Variants in HMGCS2 observed in about 807,000 individuals in gnomAD.
The protein encoded by HMGCS2 is hydroxymethylglutaryl-CoA synthase, mitochondrial.
HMGCS2 carries 50 observed loss-of-function variants against 57.4 expected under a neutral mutation model. The ratio of observed to expected loss-of-function variants is 0.87; its 90% CI spans 0.69 to 1.10. The LOEUF is 1.10. Among genes scored for constraint, HMGCS2 ranks in the 50% least tolerant of loss-of-function variants. HMGCS2 has a pLI of 0.00. For synonymous variants in HMGCS2, 254 were observed against 245.1 expected (o/e 1.04, Z -0.34); for missense variants, 627 against 636.5 (o/e 0.99, Z 0.16).
At chr1:119,762,105 C>T (rs774632426) in intron 2 of HMGCS2, among the ~76,000 whole-genome samples, 6 of 152,062 alleles carry the variant, frequency 3.9e-5, no homozygotes, top group South Asian at 4.2e-4. Flanking sequence ...TTTATCATTG[C>T]TAAAAAACTA....
chr1:119,751,563 A>T (rs1266536566), intron 8 of HMGCS2, among the ~76,000 whole-genome samples: 5 of 151,116 alleles, frequency 3.3e-5, no homozygotes, highest in African/African-American at 9.7e-5. Flanking sequence ...TATTATATTC[A>T]TATTTTTATA....
chr1:119,751,693 C>T (rs1652666125), intron 8 of HMGCS2, among the ~76,000 whole-genome samples: 1 of 152,162 alleles, frequency 6.6e-6, no homozygotes, highest in Admixed American at 6.5e-5. Context: ...CAGGCGTGAG[C>T]CACTGTGCCC....
At position 119,752,601 on chromosome 1, in the gene HMGCS2, A is replaced by G. The variant is rs769574264; in HGVS notation, c.1368T>C (p.Ser456=). Residue 456 remains serine (S), a synonymous_variant, in exon 8 of 10, where the codon TCT becomes TCC. Coordinates refer to ENST00000369406, the MANE Select transcript of HMGCS2 (RefSeq NM_005518.4). ...TCATTATTTCTGTGAACTCCTCAGG[A>G]GACACACACTTTCGGGAGGCTAGGC... is the stretch of plus-strand genomic sequence containing the variant. ...PKRLASRKCV[S]PEEFTEIMNQ... is the part of the protein sequence containing the mutation. The G allele has an allele frequency of 1.4e-5, 23 of 1,613,960 alleles. No individual in the cohort carries two copies. The South Asian group carries it at 2.2e-4, about 15-fold the overall frequency.
intron 4 of HMGCS2, among the ~76,000 whole-genome samples, chr1:119,758,409 C>CT (rs113295409): frequency 0.013 from 1,935 of 146,332 alleles, 19 homozygotes; most frequent in Middle Eastern, 0.046. Flanking sequence ...AACTTTTGTA[C>CT]TTTTTTTTTT....
At chr1:119,760,200 C>T (rs966995510) in intron 2 of HMGCS2, among the ~76,000 whole-genome samples, 3 of 152,164 alleles carry the variant, frequency 2.0e-5, no homozygotes, top group Admixed American at 1.3e-4. Flanking sequence ...CTGTAAAACG[C>T]TCATTTATTC....
intron 1 of HMGCS2, among the ~76,000 whole-genome samples, chr1:119,765,758 C>CCTT (rs35428949): frequency 0.36 from 54,220 of 151,876 alleles, 9,972 homozygotes; most frequent in Non-Finnish European, 0.41. Context: ...ATGTCTTTCT[C>CCTT]CTTTCTTTTT....
intron 8 of HMGCS2, among the ~76,000 whole-genome samples, chr1:119,751,114 C>T (rs1183575550): frequency 6.6e-6 from 1 of 152,114 alleles, no homozygotes; most frequent in Admixed American, 6.5e-5. Flanking sequence ...CACTTAAGGC[C>T]TTAATAAAAG....
Position 119,764,280 on chromosome 1 carries a change from C to A in HMGCS2, c.451G>T (p.Asp151Tyr). 1 of 1,614,194 alleles carries A rather than the reference C, an allele frequency of 6.2e-7. No individual in the cohort carries two copies. ...VKTVLMELFQ[D>Y]SGNTDIEGID... is the part of the protein sequence containing the mutation. ...CCCTCAATATCAGTATTGCCTGAAT[C>A]CTGGAAGAGTTCCATGAGCACTGTT... Residue 151 changes from aspartate to tyrosine, a missense_variant, in exon 2 of 10, where the codon GAT becomes TAT. Coordinates refer to ENST00000369406, the MANE Select transcript of HMGCS2 (RefSeq NM_005518.4).
chr1:119,765,796 C>CCTA (rs1388882848), intron 1 of HMGCS2, among the ~76,000 whole-genome samples: 4 of 152,144 alleles, frequency 2.6e-5, no homozygotes, highest in African/African-American at 9.7e-5. Context: ...CCACTGTTTT[C>CCTA]CTACTTTTAA....
chr1:119,757,314 A>G lies in HMGCS2; in HGVS notation c.975T>C (p.Ser325=), dbSNP rs368471603. 25 of 1,614,182 alleles carry G rather than the reference A, an allele frequency of 1.5e-5. No individual in the cohort carries two copies. In the African/African-American group the frequency reaches 3.2e-4, roughly 21 times the overall value. Residue 325 remains serine (S), a synonymous_variant, in exon 5 of 10, where the codon AGT becomes AGC. Transcript: ENST00000369406. The part of the protein sequence containing the change: ...LMFNDFLSAS[S]DTQTSLYKGL... ...CCTTATATAAGCTGGTTTGTGTGTC[A>G]CTGCTGGCTGACAGGAAGTCATTGA... is the stretch of plus-strand genomic sequence containing the variant.
rs587664474 is a variant in HMGCS2, at chr1:119,757,652, G to A, written c.851-214C>T. Among the ~76,000 whole-genome samples, 7 of 152,304 alleles carry A rather than the reference G, an allele frequency of 4.6e-5. No individual in the cohort carries two copies. In the South Asian group the frequency reaches 1.2e-3, roughly 27 times the overall value. On this transcript the variant is annotated intron_variant, in intron 4 of 9. Transcript: ENST00000369406. ...AAGAAGGGAAAGAAACAAAGCCTTTGTATCTACTATTACCAGCCTCTATGA... is the reference window on the plus strand; with the variant it reads ...AAGAAGGGAAAGAAACAAAGCCTTTATATCTACTATTACCAGCCTCTATGA...
chr1:119,749,779 G>A (rs1652590115), intron 9 of HMGCS2, among the ~76,000 whole-genome samples: 1 of 151,922 alleles, frequency 6.6e-6, no homozygotes. Flanking sequence ...TCCCTGCCTC[G>A]GCACACCTTT....
intron 1 of HMGCS2, among the ~76,000 whole-genome samples, chr1:119,765,962 C>G (rs1653212696): frequency 6.6e-6 from 1 of 152,152 alleles, no homozygotes; most frequent in African/African-American, 2.4e-5. Context: ...CATTTTACAG[C>G]TAAATATGCA....
At chr1:119,757,469 G>A (rs747953035) in intron 4 of HMGCS2, 31 bp from the exon 5 acceptor site, 3 of 1,614,024 alleles carry the variant, frequency 1.9e-6, no homozygotes, top group East Asian at 4.5e-5. Flanking sequence ...GCAAGGATGG[G>A]GCATGAGGGG....
At position 119,755,599 on chromosome 1, in the gene HMGCS2, T is replaced by C. The variant is rs111313628; in HGVS notation, c.1017-2A>G. 1 of 1,613,770 alleles carries C rather than the reference T, an allele frequency of 6.2e-7. No homozygotes were observed. Among genetic ancestry groups the C allele is most frequent in the Non-Finnish European group, 8.5e-7 (1 of 1,179,938 alleles). The stretch of plus-strand genomic sequence containing the variant: ...TAGGTGTCTTCCAGCTTTAGCCCCC[T>C]GTGAGGTAGCCAGAGGTAGCCATGT... On this transcript the variant is annotated splice_acceptor_variant, in intron 5 of 9. Transcript: ENST00000369406. LOFTEE classifies it high-confidence loss of function.
At position 119,753,353 on chromosome 1, in the gene HMGCS2, A is replaced by G; in HGVS notation, c.1221T>C (p.Ile407=). 6.2e-7 allele frequency: 1 copy of G among 1,613,518 alleles called. No individual in the cohort carries two copies. The highest frequency in any genetic ancestry group is 2.2e-5 in the East Asian group (1 of 44,854). ...HSAQELAGSR[I]GAFSYGSGLA... ...AACCAGAGCCATAAGAGAAGGCACC[A>G]ATCCTGGAGCCAGCCAGTTCTTGGG... Residue 407 remains isoleucine (I), a synonymous_variant, in exon 7 of 10, where the codon ATT becomes ATC. Coordinates refer to ENST00000369406, the MANE Select transcript of HMGCS2 (RefSeq NM_005518.4).
At chr1:119,751,454 C>T (rs1247752900) in intron 8 of HMGCS2, among the ~76,000 whole-genome samples, 2 of 151,432 alleles carry the variant, frequency 1.3e-5, no homozygotes, top group Admixed American at 1.3e-4. Flanking sequence ...GCATCCTCTG[C>T]CTCCTGGGTT....
chr1:119,759,905 G>A lies in HMGCS2; in HGVS notation c.644C>T (p.Ala215Val), dbSNP rs146945061. Residue 215 changes from alanine to valine, a missense_variant, in exon 3 of 10, where the codon GCT becomes GTT. Physicochemically the swap from Ala to Val is moderately conservative, Grantham distance 64. Transcript: ENST00000369406. ...AGGGGCCTTGGGCCCAATCAGCATA[G>A]CCACAGCTCCGGCCCCACCTGTGGG... ...ARPTGGAGAVAMLIGPKAPLA... is the reference protein window; with the variant it reads ...ARPTGGAGAVVMLIGPKAPLA... 13 of 1,614,070 alleles carry A rather than the reference G, an allele frequency of 8.1e-6. No individual in the cohort carries two copies. Among genetic ancestry groups the A allele is most frequent in the Middle Eastern group, 1.6e-4 (1 of 6,084 alleles).
chr1:119,759,986 C>G lies in HMGCS2; in HGVS notation c.563G>C (p.Arg188Pro), dbSNP rs761373362. The stretch of plus-strand genomic sequence containing the variant: ...GTCTCCACAGACCACCATGGCATAA[C>G]GACCTGTAAAGAGAAACAAGAAATA... ...NWMESSSWDG[R>P]YAMVVCGDIA... is the part of the protein sequence containing the mutation. The change falls in exon 3 of 10, where the codon CGT becomes CCT. Residue 188 changes from arginine to proline, a missense_variant. Arg to Pro is a moderately radical substitution (Grantham distance 103). Transcript: ENST00000369406. 6.2e-7 allele frequency: 1 copy of G among 1,613,916 alleles called. No individual in the cohort carries two copies. Among genetic ancestry groups the G allele is most frequent in the African/African-American group, 1.3e-5 (1 of 75,034 alleles).
Sources: gnomAD v4.1 joint callset for allele counts (sites outside exome capture counted in the v4.1 genomes callset) on GRCh38, gnomAD v4.1.1 for gene constraint, MANE v1.5 for transcripts, NCBI Gene and HGNC (gene_info 2026-07-23, HGNC 2026-07-21) for gene names.